The following TPCN1 variants were observed in gnomAD, a reference collection of about 807,000 sequenced individuals.
TPCN1 encodes the protein two pore segment channel 1.
A neutral mutation model predicts 108.8 loss-of-function variants in TPCN1; 52 were observed. That is an observed-to-expected ratio of 0.48 (90% CI 0.38 to 0.60). The LOEUF (loss-of-function observed/expected upper bound fraction) is 0.60, where lower values mean the gene tolerates loss of function less well. Among genes scored for constraint, TPCN1 ranks in the 20% least tolerant of loss-of-function variants. The probability of loss-of-function intolerance (pLI) is 0.00; values close to 1 mark genes in which losing one functional copy is unlikely to be tolerated. For missense variants in TPCN1, 806 were observed against 1,072.8 expected (o/e 0.75, Z 3.47); for synonymous variants, 446 against 433.7 (o/e 1.03, Z -0.35).
intron 7 of TPCN1, among the ~76,000 whole-genome samples, chr12:113,271,481 A>T (rs1416484551): frequency 6.6e-6 from 1 of 152,214 alleles, no homozygotes; most frequent in Non-Finnish European, 1.5e-5. Flanking sequence ...TCCCCAAGTG[A>T]CAAAGAAATG....
intron 2 of TPCN1, among the ~76,000 whole-genome samples, chr12:113,252,424 G>T (rs1954678140): frequency 6.6e-6 from 1 of 152,186 alleles, no homozygotes; most frequent in Non-Finnish European, 1.5e-5. Flanking sequence ...CTGAGCACAA[G>T]GAGGAAGCTC....
intron 2 of TPCN1, among the ~76,000 whole-genome samples, chr12:113,256,143 AT>A (rs879509917): frequency 2.7e-5 from 4 of 150,178 alleles, no homozygotes; most frequent in Non-Finnish European, 4.5e-5. Context: ...CTTAAAAAAA[AT>A]TTTTTTTTTG....
intron 2 of TPCN1, among the ~76,000 whole-genome samples, chr12:113,243,712 C>G (rs1244804146): frequency 6.6e-6 from 1 of 152,094 alleles, no homozygotes; most frequent in Non-Finnish European, 1.5e-5. Context: ...CAAGATTGTG[C>G]CACTGCACTC....
chr12:113,246,719 C>A (rs987178234), intron 2 of TPCN1, among the ~76,000 whole-genome samples: 1 of 152,098 alleles, frequency 6.6e-6, no homozygotes, highest in Non-Finnish European at 1.5e-5. Context: ...GCCCCTGCGA[C>A]GTGCCCCAGT....
intron 15 of TPCN1, among the ~76,000 whole-genome samples, chr12:113,282,838 C>A (rs940634530): frequency 3.3e-5 from 5 of 152,078 alleles, no homozygotes; most frequent in African/African-American, 1.2e-4. Flanking sequence ...GTAATCCCAA[C>A]ACTTTGGGAG....
chr12:113,291,854 C>T lies in TPCN1; in HGVS notation c.2029-20C>T, dbSNP rs1956281143. 2 of 1,581,540 alleles carry T rather than the reference C, an allele frequency of 1.3e-6. No homozygotes were observed. Among genetic ancestry groups the T allele is most frequent in the Non-Finnish European group, 1.7e-6 (2 of 1,150,452 alleles). ...ACCCTCCTCCCCTGCCTCTGCCCCT[C>T]CCTCCCTATCCCTGGCCAGGTGGTG... On this transcript the variant is annotated intron_variant, in intron 24 of 27. Coordinates refer to ENST00000335509, the MANE Select transcript of TPCN1 (RefSeq NM_017901.6).
intron 2 of TPCN1, among the ~76,000 whole-genome samples, chr12:113,233,840 C>G (rs1015909463): frequency 5.3e-5 from 8 of 152,142 alleles, no homozygotes; most frequent in Non-Finnish European, 8.8e-5. Flanking sequence ...GAGGTTGAAA[C>G]TTATCCAAGG....
At chr12:113,291,535 A>G (rs1322745835) in intron 23 of TPCN1, 74 bp from the exon 24 acceptor site, 7 of 1,326,552 alleles carry the variant, frequency 5.3e-6, no homozygotes, top group South Asian at 3.7e-5. Context: ...AGCCGGGGCC[A>G]TGGAGCAGCC....
Position 113,273,151 on chromosome 12 carries a change from C to A in TPCN1, c.784-81C>A. Reference sequence around the variant, plus strand: ...CAAGAGCGGTCAAGGCAGGGCATGCCAGGTGGCCCATCACAGCCTGTTCCT... The same window carrying A: ...CAAGAGCGGTCAAGGCAGGGCATGCAAGGTGGCCCATCACAGCCTGTTCCT... On this transcript the variant is annotated intron_variant, in intron 8 of 27. Transcript: ENST00000335509. This position sits in a 1 kb window ranked among gnomAD's most constrained non-coding sequence, Gnocchi z 4.0. The A allele has an allele frequency of 7.8e-7, 1 of 1,274,288 alleles. No homozygotes were observed. Among genetic ancestry groups the A allele is most frequent in the Non-Finnish European group, 1.1e-6 (1 of 870,914 alleles). The allele number at this position is 1,274,288 out of a possible 1,614,324, so 78.9% of individuals were successfully genotyped here. A position where few individuals can be genotyped will look rare whatever the true frequency, so the allele number is the denominator to read the frequency against.
At chr12:113,292,067 G>C (rs1956288346) in intron 25 of TPCN1, 109 bp downstream of exon 25, 4 of 866,526 alleles carry the variant, frequency 4.6e-6, no homozygotes, top group East Asian at 2.4e-5. Flanking sequence ...TTTTTCTGCT[G>C]TCTGGCTGTC....
rs757725607 is a variant in TPCN1, at chr12:113,285,959, C to T, written c.1524C>T (p.Asn508=). ...GPVEYLSSGW[N]LFDFSVTVFA... is the part of the protein sequence containing the mutation. ...TGGAGTACTTGTCTTCCGGATGGAACTTGTGAGTGGACAGCATGTTTCTGA... is the reference window on the plus strand; with the variant it reads ...TGGAGTACTTGTCTTCCGGATGGAATTTGTGAGTGGACAGCATGTTTCTGA... Residue 508 remains asparagine (N), a splice_region_variant and synonymous_variant, in exon 18 of 28, where the codon AAC becomes AAT. Transcript: ENST00000335509. 3 of 1,613,854 alleles carry T rather than the reference C, an allele frequency of 1.9e-6. No individual in the cohort carries two copies. The highest frequency in any genetic ancestry group is 2.5e-6 in the Non-Finnish European group (3 of 1,179,814).
At chr12:113,255,109 T>G (rs1365798421) in intron 2 of TPCN1, among the ~76,000 whole-genome samples, 1 of 152,234 alleles carries the variant, frequency 6.6e-6, no homozygotes, top group Non-Finnish European at 1.5e-5. Flanking sequence ...AAACTGTCCT[T>G]ATTCTCAGAC....
chr12:113,245,833 C>A (rs1954359741), intron 2 of TPCN1: 1 of 403,174 alleles, frequency 2.5e-6, no homozygotes, highest in Non-Finnish European at 5.1e-6. Context: ...TCCCCTCCTG[C>A]CTGTTCTTTC....
intron 3 of TPCN1, among the ~76,000 whole-genome samples, chr12:113,263,265 G>A (rs1391913475): frequency 6.6e-6 from 1 of 152,110 alleles, no homozygotes; most frequent in Non-Finnish European, 1.5e-5. Flanking sequence ...TAGAGGATGA[G>A]ATGGCCTGTT....
At chr12:113,245,523 C>T (rs1191735348) in intron 2 of TPCN1, among the ~76,000 whole-genome samples, 1 of 140,902 alleles carries the variant, frequency 7.1e-6, no homozygotes, top group Non-Finnish European at 1.5e-5. Flanking sequence ...ATGGCGTGAG[C>T]CCGGGAGGCG....
In TPCN1 at chr12:113,221,472, G is replaced by A. The variant is rs1030307666; in HGVS notation, c.-280G>A. 4.2e-5 allele frequency: 14 copies of A among 330,624 alleles called. No individual in the cohort carries two copies. The highest frequency in any genetic ancestry group is 7.4e-5 in the Non-Finnish European group (12 of 162,094). The allele number at this position is 330,624 out of a possible 1,614,324, so 20.5% of individuals were successfully genotyped here. ...GTAGGCGGTGGATAGGAGAGCTGGC[G>A]CAGCTGCCCTGGTGGCAGTGGCTGA... On this transcript the variant is annotated 5_prime_UTR_variant, in exon 1 of 28. Coordinates refer to ENST00000335509, the MANE Select transcript of TPCN1 (RefSeq NM_017901.6).
intron 23 of TPCN1, 37 bp from the exon 24 acceptor site, chr12:113,291,572 G>A (rs776423636): frequency 6.3e-7 from 1 of 1,595,494 alleles, no homozygotes; most frequent in Non-Finnish European, 8.6e-7. Flanking sequence ...TGCCCTGCAT[G>A]GGCACCCCCT....
In TPCN1 at chr12:113,287,104, A is replaced by C; in HGVS notation, c.1634+10A>C. ...CCCTCCAGCTGCTGAGGTGATGGGC[A>C]GGGCAGAGCCGGAGACAGGGAGAAA... On this transcript the variant is annotated intron_variant, in intron 19 of 27. Transcript: ENST00000335509. The C allele has an allele frequency of 6.2e-7, 1 of 1,605,438 alleles. No individual in the cohort carries two copies. Among genetic ancestry groups the C allele is most frequent in the Non-Finnish European group, 8.5e-7 (1 of 1,172,806 alleles).
At chr12:113,250,619 A>G (rs1031577431) in intron 2 of TPCN1, among the ~76,000 whole-genome samples, 1 of 152,258 alleles carries the variant, frequency 6.6e-6, no homozygotes, top group Non-Finnish European at 1.5e-5. Context: ...ACAAAGGAGT[A>G]GATGAACAGG....
Sources: allele counts gnomAD v4.1 joint callset (sites outside exome capture counted in the v4.1 genomes callset), GRCh38; gene constraint gnomAD v4.1.1; non-coding constraint Gnocchi (gnomAD v3.1); transcripts MANE v1.5; gene names NCBI Gene and HGNC (gene_info 2026-07-23, HGNC 2026-07-21).